The following CDH17 variants were observed in gnomAD, a reference collection of about 807,000 sequenced individuals.
CDH17 encodes the protein cadherin-17.
CDH17 carries 67 observed loss-of-function variants against 86.3 expected under a neutral mutation model. That is an observed-to-expected ratio of 0.78 (90% CI 0.64 to 0.95). CDH17 has a LOEUF of 0.95. Among genes scored for constraint, CDH17 ranks in the 40% least tolerant of loss-of-function variants. The pLI, the probability that CDH17 is intolerant of heterozygous loss-of-function variation, is 0.00. For synonymous variants in CDH17, 367 were observed against 366.4 expected, an observed-to-expected ratio of 1.00 and a Z score of -0.02; for missense variants, 993 against 1,017.6, an observed-to-expected ratio of 0.98 and a Z score of 0.33.
intron 12 of CDH17, among the ~76,000 whole-genome samples, chr8:94,154,335 A>G (rs2130608275): frequency 6.6e-6 from 1 of 152,308 alleles, no homozygotes; most frequent in South Asian, 2.1e-4. Flanking sequence ...TAACTGTGGG[A>G]CACTTCATTT....
intron 3 of CDH17, among the ~76,000 whole-genome samples, chr8:94,188,700 G>A (rs1466929037): frequency 3.3e-5 from 5 of 152,114 alleles, no homozygotes; most frequent in South Asian, 2.1e-4. Context: ...TAAATAAAAC[G>A]TCCACCTCCC....
chr8:94,199,083 A>ATATATATAT (rs1283889347), intron 1 of CDH17, among the ~76,000 whole-genome samples: 3 of 23,228 alleles, frequency 1.3e-4, no homozygotes, highest in African/African-American at 3.2e-4. Flanking sequence ...ATATATATAT[A>ATATATATAT]TTTTTTTTTT....
intron 5 of CDH17, among the ~76,000 whole-genome samples, chr8:94,175,711 T>G (rs185534774): frequency 5.5e-4 from 83 of 151,902 alleles, no homozygotes; most frequent in African/African-American, 1.9e-3. Context: ...AGGTAGAAGG[T>G]CAATGCAGCA....
At chr8:94,160,874 G>A (rs760834100) in intron 11 of CDH17, among the ~76,000 whole-genome samples, 3 of 152,222 alleles carry the variant, frequency 2.0e-5, no homozygotes, top group African/African-American at 7.2e-5. Context: ...AACCCACCAA[G>A]GGTCACACAG....
chr8:94,203,213 TAG>T (rs1813956278), intron 1 of CDH17, among the ~76,000 whole-genome samples: 1 of 152,226 alleles, frequency 6.6e-6, no homozygotes, highest in Non-Finnish European at 1.5e-5. Flanking sequence ...AGACAAATCT[TAG>T]AGTCAGTCAT....
chr8:94,186,249 ACTCTCT>A (rs146835041), intron 3 of CDH17, among the ~76,000 whole-genome samples: 1 of 149,794 alleles, frequency 6.7e-6, no homozygotes, highest in Non-Finnish European at 1.5e-5. Context: ...CTTTTGCTGT[ACTCTCT>A]CTCTCTCTCT....
At chr8:94,177,444 T>C (rs1232513548) in intron 4 of CDH17, 143 bp downstream of exon 4, 2 of 830,560 alleles carry the variant, frequency 2.4e-6, no homozygotes, top group Non-Finnish European at 3.9e-6. Context: ...GAAATGGACA[T>C]GTGAGGATTG....
At position 94,174,218 on chromosome 8, in the gene CDH17, G is replaced by A. The variant is rs376397791; in HGVS notation, c.467C>T (p.Pro156Leu). The change falls in exon 6 of 18, where the codon CCG becomes CTG. Residue 156 changes from proline to leucine, a missense_variant. Transcript: ENST00000027335. ...ATAAAGCTGGCCATTGGGAGTGGCC[G>A]GATCATCCAGGTCTGTGGCATTGAC... ...LYVNATDLDD[P>L]ATPNGQLYYQ... The A allele has an allele frequency of 8.6e-5, 139 of 1,613,302 alleles. No homozygotes were observed. Among genetic ancestry groups the A allele is most frequent in the Non-Finnish European group, 1.0e-4 (118 of 1,179,742 alleles).
intron 7 of CDH17, among the ~76,000 whole-genome samples, chr8:94,172,234 C>A (rs945692633): frequency 2.0e-5 from 3 of 151,886 alleles, no homozygotes; most frequent in African/African-American, 7.3e-5. Context: ...TTAGTCTAGG[C>A]CCCCAATCAG....
At chr8:94,189,341 T>C (rs1813642343) in intron 2 of CDH17, 56 bp from the exon 3 acceptor site, 2 of 1,265,982 alleles carry the variant, frequency 1.6e-6, no homozygotes, top group South Asian at 2.6e-5. Context: ...GTGTCACTCA[T>C]TGATTTTATT....
chr8:94,182,066 A>G (rs1304867156), intron 3 of CDH17, among the ~76,000 whole-genome samples: 1 of 152,162 alleles, frequency 6.6e-6, no homozygotes, highest in African/African-American at 2.4e-5. Flanking sequence ...GACAAAAACT[A>G]CTAAAACTGA....
chr8:94,179,058 A>C (rs1465537157), intron 3 of CDH17, among the ~76,000 whole-genome samples: 2 of 151,604 alleles, frequency 1.3e-5, no homozygotes, highest in African/African-American at 2.4e-5. Flanking sequence ...AAAAAAAAAA[A>C]AAAAACTAAG....
At chr8:94,131,420 T>C (rs1033590058) in intron 15 of CDH17, among the ~76,000 whole-genome samples, 2 of 152,222 alleles carry the variant, frequency 1.3e-5, no homozygotes, top group Non-Finnish European at 2.9e-5. Flanking sequence ...ATTTAACATA[T>C]ATTGTTCATT....
chr8:94,210,195 C>A (rs575218033), upstream of CDH17, among the ~76,000 whole-genome samples: 2 of 125,918 alleles, frequency 1.6e-5, no homozygotes, highest in South Asian at 5.2e-4. Context: ...ATAGACTCTG[C>A]CAGATTTTTT....
At chr8:94,209,610 A>G (rs1487468175), upstream of CDH17, among the ~76,000 whole-genome samples, 5 of 152,200 alleles carry the variant, frequency 3.3e-5, no homozygotes, top group African/African-American at 9.7e-5. Context: ...ATCTAGTTGC[A>G]TGCCAGCTGT....
intron 13 of CDH17, among the ~76,000 whole-genome samples, chr8:94,150,723 T>C (rs2130601697): frequency 1.3e-5 from 2 of 152,388 alleles, no homozygotes; most frequent in Middle Eastern, 3.4e-3. Flanking sequence ...GCCTTTATTT[T>C]TCCCACTGAT....
intron 14 of CDH17, 130 bp downstream of exon 14, chr8:94,148,614 T>G: frequency 1.7e-6 from 1 of 582,308 alleles, no homozygotes; most frequent in Admixed American, 3.7e-5. Context: ...TTCTCATCCT[T>G]CCACTTTAAG....
At chr8:94,188,311 T>C (rs1198040650) in intron 3 of CDH17, among the ~76,000 whole-genome samples, 2 of 152,236 alleles carry the variant, frequency 1.3e-5, no homozygotes, top group Non-Finnish European at 2.9e-5. Flanking sequence ...CCCAAATATA[T>C]TTGATTCTTT....
chr8:94,186,408 C>G (rs1223878914), intron 3 of CDH17, among the ~76,000 whole-genome samples: 2 of 152,134 alleles, frequency 1.3e-5, no homozygotes, highest in Non-Finnish European at 2.9e-5. Context: ...GCTGAGAAAT[C>G]CAACCAGCAG....
Sources: allele counts gnomAD v4.1 joint callset (sites outside exome capture counted in the v4.1 genomes callset), GRCh38; gene constraint gnomAD v4.1.1; transcripts MANE v1.5; gene names NCBI Gene and HGNC (gene_info 2026-07-23, HGNC 2026-07-21).